Variants in CBLIF observed in about 807,000 individuals in gnomAD.
CBLIF encodes the protein gastric intrinsic factor (vitamin B synthesis).
Under a neutral mutation model 44.9 loss-of-function variants are expected in CBLIF, and 24 were observed. That is an observed-to-expected ratio of 0.53 (90% CI 0.39 to 0.75). CBLIF has a LOEUF of 0.75. Among genes scored for constraint, CBLIF ranks in the 30% least tolerant of loss-of-function variants. The probability of loss-of-function intolerance (pLI) is 0.00; values close to 1 mark genes in which losing one functional copy is unlikely to be tolerated. For synonymous variants in CBLIF, 183 were observed against 190.9 expected (o/e 0.96, Z 0.34); for missense variants, 481 against 513.0 (o/e 0.94, Z 0.60).
chr11:59,839,893 TA>T (rs112520963), intron 5 of CBLIF, among the ~76,000 whole-genome samples: 236 of 146,070 alleles, frequency 1.6e-3, no homozygotes, highest in Non-Finnish European at 2.1e-3. Flanking sequence ...GAGTCACACA[TA>T]AAAAAAAAAA....
At position 59,831,762 on chromosome 11, in the gene CBLIF, C is replaced by T. The variant is rs199655061; in HGVS notation, c.1108G>A (p.Val370Ile). 34 of 1,604,760 alleles carry T rather than the reference C, an allele frequency of 2.1e-5. No homozygotes were observed. The highest frequency in any genetic ancestry group is 1.2e-4 in the South Asian group (11 of 90,918). The change falls in exon 8 of 9, where the codon GTC becomes ATC. Residue 370 changes from valine (V) to isoleucine (I), a missense_variant. Coordinates refer to ENST00000257248, the MANE Select transcript of CBLIF (RefSeq NM_005142.3). ...TCCGCGATATTGTTGATAGAAGAGA[C>T]GACAAGGCCCCAAGATGTCATTGTG... ...ETTMTSWGLV[V>I]SSINNIAENV...
chr11:59,836,923 C>T (rs1351617428), intron 6 of CBLIF, among the ~76,000 whole-genome samples: 2 of 152,128 alleles, frequency 1.3e-5, no homozygotes, highest in Non-Finnish European at 2.9e-5. Context: ...CTCTAGTATC[C>T]CACAAAATGC....
At chr11:59,840,247 A>C (rs1866506586) in intron 5 of CBLIF, among the ~76,000 whole-genome samples, 1 of 152,086 alleles carries the variant, frequency 6.6e-6, no homozygotes, top group Admixed American at 6.6e-5. Context: ...AATAGTCCGC[A>C]ACTATGTTAG....
rs1866573557 is a variant in CBLIF at position 59,843,982 on chromosome 11, G to A, written c.153C>T (p.Ala51=). The A allele has an allele frequency of 6.2e-7, 1 of 1,613,154 alleles. No homozygotes were observed. The highest frequency in any genetic ancestry group is 8.5e-7 in the Non-Finnish European group (1 of 1,179,218). Reference sequence around the variant, plus strand: ...CAATCAGGATGCTGGGGTTTGGGTAGGCTGATGAAGTCACCGAGTTCTCCA... The same window carrying A: ...CAATCAGGATGCTGGGGTTTGGGTAAGCTGATGAAGTCACCGAGTTCTCCA... ...VLMENSVTSS[A]YPNPSILIAM... Residue 51 remains alanine (A), a synonymous_variant, in exon 2 of 9, where the codon GCC becomes GCT. Transcript: ENST00000257248.
intron 7 of CBLIF, among the ~76,000 whole-genome samples, chr11:59,835,549 G>GT (rs1866442947): frequency 6.6e-6 from 1 of 152,172 alleles, no homozygotes. Flanking sequence ...AAGCTACAAA[G>GT]TCTCTTTTGC....
chr11:59,836,963 A>G (rs1280529627), intron 6 of CBLIF, among the ~76,000 whole-genome samples: 3 of 152,234 alleles, frequency 2.0e-5, no homozygotes, highest in African/African-American at 4.8e-5. Context: ...AGGTAAATAT[A>G]TGCTGAATGA....
Position 59,835,981 on chromosome 11 carries a change from G to A in CBLIF, c.900C>T (p.Ser300=). The change falls in exon 7 of 9, where the codon AGC becomes AGT. Residue 300 remains serine, a synonymous_variant. Transcript: ENST00000257248. ...CAGAGGTGGGGCCAGGGCCAGGGTT[G>A]CTGGGTAGAGTTGGTTGTACCTCAT... ...PDHEVQPTLP[S]NPGPGPTSAS... 6.2e-7 allele frequency: 1 copy of A among 1,614,156 alleles called. No individual in the cohort carries two copies. The highest frequency in any genetic ancestry group is 1.1e-5 in the South Asian group (1 of 91,086).
At chr11:59,843,561 A>T (rs933824607) in intron 2 of CBLIF, among the ~76,000 whole-genome samples, 1 of 152,300 alleles carries the variant, frequency 6.6e-6, no homozygotes, top group Middle Eastern at 3.4e-3. Flanking sequence ...TACTACAATC[A>T]TCTGCAAGGT....
rs746282268 is a variant in CBLIF at position 59,841,228 on chromosome 11, A to C, written c.608T>G (p.Leu203Arg). 1 of 1,612,530 alleles carries C rather than the reference A, an allele frequency of 6.2e-7. No homozygotes were observed. Among genetic ancestry groups the C allele is most frequent in the Non-Finnish European group, 8.5e-7 (1 of 1,178,500 alleles). The change falls in exon 5 of 9, where the codon CTA (leucine) becomes CGA (arginine). Residue 203 changes from leucine (L) to arginine (R), a missense_variant. By Grantham distance (102) the Leu-to-Arg change is moderately radical. Coordinates refer to ENST00000257248, the MANE Select transcript of CBLIF (RefSeq NM_005142.3). ...EGYRSLFGQV[L>R]KDIVEKISMK... The stretch of plus-strand genomic sequence containing the variant: ...GCTGATTTTCTCCACAATATCCTTT[A>C]GTACCTGACCAAACAGGGATCTGTA...
intron 1 of CBLIF, 91 bp from the exon 2 acceptor site, chr11:59,844,146 CT>C (rs397974268): frequency 7.1e-3 from 6,836 of 962,926 alleles, no homozygotes; most frequent in Middle Eastern, 7.9e-3. Flanking sequence ...TTCTTTCTTT[CT>C]TTTTTTTTTG....
At chr11:59,837,394 T>C in intron 5 of CBLIF, 43 bp from the exon 6 acceptor site, 2 of 1,433,738 alleles carry the variant, frequency 1.4e-6, no homozygotes, top group Non-Finnish European at 2.0e-6. Context: ...TAATTAGGCA[T>C]AGCTGAGAGT....
At position 59,833,187 on chromosome 11, in the gene CBLIF, G is replaced by T. The variant is rs1242570612; in HGVS notation, c.1074-1391C>A. 2.0e-5 allele frequency among the ~76,000 whole-genome samples: 3 copies of T among 152,156 alleles called. No individual in the cohort carries two copies. In the East Asian group the frequency reaches 5.8e-4, roughly 29 times the overall value. On this transcript the variant is annotated intron_variant, in intron 7 of 8. Coordinates refer to ENST00000257248, the MANE Select transcript of CBLIF (RefSeq NM_005142.3). ...AGGCAAAATTAAAGCTAACTTCAGA[G>T]AAGTAAAGTACGGTATATTCAGAGG... is the stretch of plus-strand genomic sequence containing the variant.
At chr11:59,842,784 C>T (rs1251126113) in intron 3 of CBLIF, 5 of 649,566 alleles carry the variant, frequency 7.7e-6, no homozygotes, top group African/African-American at 1.8e-5. Context: ...AGGGATGACT[C>T]TGTGTCTTTA....
At chr11:59,834,250 T>TTC (rs1196445371) in intron 7 of CBLIF, among the ~76,000 whole-genome samples, 1,396 of 85,042 alleles carry the variant, frequency 0.016, 27 homozygotes, top group African/African-American at 0.057. Flanking sequence ...TTTTCTTTCT[T>TTC]TCTTTCTTTC....
intron 8 of CBLIF, 97 bp from the exon 9 acceptor site, chr11:59,829,642 A>AG: frequency 2.6e-6 from 2 of 762,196 alleles, no homozygotes; most frequent in Non-Finnish European, 4.8e-6. Flanking sequence ...TGAACCCATT[A>AG]AATGTTTTTA....
rs1166147570 is a variant in CBLIF, at chr11:59,843,959, A to G, written c.176T>C (p.Ile59Thr). ...SSAYPNPSIL[I>T]AMNLAGAYNL... ...GTAGGCTCCGGCCAGATTCATGGCA[A>G]TCAGGATGCTGGGGTTTGGGTAGGC... is the stretch of plus-strand genomic sequence containing the variant. The change falls in exon 2 of 9, where the codon ATT (isoleucine) becomes ACT (threonine). Residue 59 changes from isoleucine to threonine, a missense_variant. By Grantham distance (89) the Ile-to-Thr change is moderately conservative. Coordinates refer to ENST00000257248, the MANE Select transcript of CBLIF (RefSeq NM_005142.3). 6 of 1,613,558 alleles carry G rather than the reference A, an allele frequency of 3.7e-6. No individual in the cohort carries two copies. The Admixed American group carries it at 5.0e-5, about 13-fold the overall frequency.
At position 59,837,068 on chromosome 11, in the gene CBLIF, T is replaced by A. The variant is rs990306355; in HGVS notation, c.871+106A>T. On this transcript the variant is annotated intron_variant, in intron 6 of 8. Coordinates refer to ENST00000257248, the MANE Select transcript of CBLIF (RefSeq NM_005142.3). ...GGGAGTCAGATGTACTCTGCCCACA[T>A]GGGAATAATGGACATTACAAGCCTA... The A allele has an allele frequency of 3.4e-6, 3 of 885,612 alleles. No homozygotes were observed. The Admixed American group carries it at 5.2e-5, about 15-fold the overall frequency. 54.9% of individuals were successfully genotyped at this position (885,612 alleles called of 1,614,324 possible).
chr11:59,836,983 G>A lies in CBLIF; in HGVS notation c.871+191C>T, dbSNP rs185196057. The stretch of plus-strand genomic sequence containing the variant: ...AATATATGCTGAATGAAGTAGATAT[G>A]GGGCTGAGTTCTGAGTGCAGGAAGG... On this transcript the variant is annotated intron_variant, in intron 6 of 8. Transcript: ENST00000257248. Among the ~76,000 whole-genome samples, 145 of 152,316 alleles carry A rather than the reference G, an allele frequency of 9.5e-4. 1 individual carries two copies. The highest frequency in any genetic ancestry group is 1.4e-3 in the Non-Finnish European group (93 of 68,036).
In CBLIF at chr11:59,829,304, C is replaced by T. The variant is rs1866336117; in HGVS notation, c.*180G>A. The T allele has an allele frequency of 3.3e-6, 2 of 598,264 alleles. No homozygotes were observed. The highest frequency in any genetic ancestry group is 6.2e-6 in the Non-Finnish European group (2 of 323,002). 37.1% of individuals were successfully genotyped at this position (598,264 alleles called of 1,614,324 possible). A position where few individuals can be genotyped will look rare whatever the true frequency, so the allele number is the denominator to read the frequency against. ...AGATGAAAATTTTATTTTCATGAGT[C>T]ATAGATGTTGAGACTCCAGTGAACT... On this transcript the variant is annotated 3_prime_UTR_variant, in exon 9 of 9. Transcript: ENST00000257248.
Sources: allele counts gnomAD v4.1 joint callset (sites outside exome capture counted in the v4.1 genomes callset), GRCh38; gene constraint gnomAD v4.1.1; transcripts MANE v1.5; gene names NCBI Gene and HGNC (gene_info 2026-07-23, HGNC 2026-07-21).